The following TRPC6 variants were observed in gnomAD, a reference collection of about 807,000 sequenced individuals.
TRPC6 encodes transient receptor potential cation channel subfamily C member 6.
A neutral mutation model predicts 90.7 loss-of-function variants in TRPC6; 55 were observed. That is an observed-to-expected ratio of 0.61 (90% CI 0.49 to 0.76). The LOEUF is 0.76. Among genes scored for constraint, TRPC6 ranks in the 30% least tolerant of loss-of-function variants. The pLI, the probability that TRPC6 is intolerant of heterozygous loss-of-function variation, is 0.00. For synonymous variants in TRPC6, 393 were observed against 393.0 expected, an observed-to-expected ratio of 1.00 and a Z score of 0.00; for missense variants, 989 against 1,122.7, an observed-to-expected ratio of 0.88 and a Z score of 1.70.
chr11:101,579,575 C>T (rs1207938354), intron 1 of TRPC6, among the ~76,000 whole-genome samples: 1 of 152,110 alleles, frequency 6.6e-6, no homozygotes, highest in Non-Finnish European at 1.5e-5. Context: ...ACTAGTCTTT[C>T]ATAATGATTT....
intron 1 of TRPC6, among the ~76,000 whole-genome samples, chr11:101,579,283 C>A: frequency 6.6e-6 from 1 of 151,868 alleles, no homozygotes. Flanking sequence ...TTAAAAATGT[C>A]ATTTTTTTCT....
chr11:101,544,016 T>C (rs530470637), intron 1 of TRPC6, among the ~76,000 whole-genome samples: 3 of 152,218 alleles, frequency 2.0e-5, no homozygotes, highest in South Asian at 2.1e-4. Context: ...GAATCTAAAA[T>C]GAACTTAAAC....
chr11:101,483,922 G>C (rs1859612023), intron 4 of TRPC6, among the ~76,000 whole-genome samples: 1 of 152,134 alleles, frequency 6.6e-6, no homozygotes. Flanking sequence ...CTCTGTCTAA[G>C]AGGTACAGAT....
intron 1 of TRPC6, among the ~76,000 whole-genome samples, chr11:101,548,749 G>C (rs1335393143): frequency 6.6e-6 from 1 of 151,676 alleles, no homozygotes; most frequent in African/African-American, 2.4e-5. Context: ...ATGAAATATA[G>C]TGCAGCTCTC....
At chr11:101,525,443 G>A (rs1860756743) in intron 1 of TRPC6, among the ~76,000 whole-genome samples, 1 of 152,218 alleles carries the variant, frequency 6.6e-6, no homozygotes, top group Admixed American at 6.5e-5. Context: ...GTGATGAATT[G>A]AATGGAAAGG....
intron 11 of TRPC6, among the ~76,000 whole-genome samples, chr11:101,454,542 GGA>G (rs1858841337): frequency 1.3e-5 from 2 of 151,716 alleles, no homozygotes; most frequent in Non-Finnish European, 2.9e-5. Context: ...TATATTTTGT[GGA>G]GAGAAAATCA....
intron 7 of TRPC6, 102 bp downstream of exon 7, chr11:101,473,407 A>C: frequency 7.4e-7 from 1 of 1,356,912 alleles, no homozygotes; most frequent in Non-Finnish European, 1.0e-6. Context: ...CTAGAGATGA[A>C]GTCTTTACCA....
chr11:101,530,848 A>G (rs1255798610), intron 1 of TRPC6, among the ~76,000 whole-genome samples: 1 of 152,268 alleles, frequency 6.6e-6, no homozygotes, highest in Non-Finnish European at 1.5e-5. Context: ...ATAAATAGAA[A>G]TCATAAAAAA....
At chr11:101,544,502 T>A (rs1368566595) in intron 1 of TRPC6, among the ~76,000 whole-genome samples, 1 of 152,176 alleles carries the variant, frequency 6.6e-6, no homozygotes, top group Admixed American at 6.5e-5. Flanking sequence ...AATGATATAC[T>A]TGATAAAGAA....
chr11:101,578,072 G>A (rs1196036865), intron 1 of TRPC6, among the ~76,000 whole-genome samples: 2 of 152,138 alleles, frequency 1.3e-5, no homozygotes, highest in Non-Finnish European at 2.9e-5. Context: ...TCTTTGTTGA[G>A]GAATAGATTA....
At chr11:101,475,541 T>A (rs1282296959) in intron 6 of TRPC6, among the ~76,000 whole-genome samples, 1 of 152,120 alleles carries the variant, frequency 6.6e-6, no homozygotes, top group African/African-American at 2.4e-5. Flanking sequence ...AGCTCCCTTA[T>A]TATAAGCTCT....
chr11:101,539,313 C>A (rs532683413), intron 1 of TRPC6, among the ~76,000 whole-genome samples: 1 of 152,174 alleles, frequency 6.6e-6, no homozygotes, highest in Non-Finnish European at 1.5e-5. Flanking sequence ...AAGCCTTGTG[C>A]ACTTTGCTAT....
chr11:101,577,273 C>T (rs1430653737), intron 1 of TRPC6, among the ~76,000 whole-genome samples: 5 of 151,948 alleles, frequency 3.3e-5, no homozygotes, highest in East Asian at 3.9e-4. Flanking sequence ...ATCATTGTGT[C>T]GCACATGTTC....
chr11:101,520,992 A>G (rs1860645372), intron 1 of TRPC6, among the ~76,000 whole-genome samples: 1 of 152,238 alleles, frequency 6.6e-6, no homozygotes. Context: ...GGCAGAGCAT[A>G]AAACTTTGGA....
intron 1 of TRPC6, among the ~76,000 whole-genome samples, chr11:101,564,571 A>G (rs1861787683): frequency 6.6e-6 from 1 of 152,194 alleles, no homozygotes; most frequent in African/African-American, 2.4e-5. Context: ...AAGAAATTGA[A>G]GAAGGCACAA....
At chr11:101,477,616 G>A (rs985241472) in intron 5 of TRPC6, among the ~76,000 whole-genome samples, 1 of 152,048 alleles carries the variant, frequency 6.6e-6, no homozygotes, top group Non-Finnish European at 1.5e-5. Context: ...AGGCTACCAT[G>A]GATTCGAGAA....
intron 1 of TRPC6, among the ~76,000 whole-genome samples, chr11:101,543,889 C>A (rs1226714309): frequency 1.3e-5 from 2 of 152,144 alleles, no homozygotes; most frequent in African/African-American, 4.8e-5. Context: ...CAAATGCGAT[C>A]TAATTAAACT....
In TRPC6 at chr11:101,476,153, T is replaced by A. The variant is rs571528944; in HGVS notation, c.1744+148A>T. 10 of 682,980 alleles carry A rather than the reference T, an allele frequency of 1.5e-5. No individual in the cohort carries two copies. The South Asian group carries it at 1.9e-4, about 13-fold the overall frequency. 42.3% of individuals were successfully genotyped at this position (682,980 alleles called of 1,614,324 possible). A position where few individuals can be genotyped will look rare whatever the true frequency, so the allele number is the denominator to read the frequency against. ...ATGAAGCAGCAGAAAGCATGCTTCC[T>A]CACATATAGATGCTCATTCTTCAGA... On this transcript the variant is annotated intron_variant, in intron 6 of 12. Transcript: ENST00000344327.
At chr11:101,567,008 CG>C (rs1215300016) in intron 1 of TRPC6, among the ~76,000 whole-genome samples, 1 of 150,826 alleles carries the variant, frequency 6.6e-6, no homozygotes, top group Non-Finnish European at 1.5e-5. Flanking sequence ...GCACCTGGAA[CG>C]CCAGTGAGAC....
Sources: allele counts gnomAD v4.1 joint callset (sites outside exome capture counted in the v4.1 genomes callset), GRCh38; gene constraint gnomAD v4.1.1; transcripts MANE v1.5; gene names NCBI Gene and HGNC (gene_info 2026-07-23, HGNC 2026-07-21).